Variants in IGF2R observed in about 807,000 individuals in gnomAD.
IGF2R encodes cation-independent mannose-6-phosphate receptor.
Under a neutral mutation model 270.6 loss-of-function variants are expected in IGF2R, and 91 were observed. The ratio of observed to expected loss-of-function variants is 0.34; its 90% CI spans 0.28 to 0.40. IGF2R has a LOEUF of 0.40. Among genes scored for constraint, IGF2R ranks in the 10% least tolerant of loss-of-function variants. IGF2R has a pLI of 1.00. For missense variants in IGF2R, 2,805 were observed against 3,188.3 expected (o/e 0.88, Z 2.90); for synonymous variants, 1,316 against 1,258.9 (o/e 1.05, Z -0.96).
intron 1 of IGF2R, among the ~76,000 whole-genome samples, chr6:159,973,765 T>C (rs1454681001): frequency 6.6e-6 from 1 of 152,214 alleles, no homozygotes; most frequent in African/African-American, 2.4e-5. Flanking sequence ...CCTCACGTCT[T>C]TTGTCAGCAT....
Position 160,084,930 on chromosome 6 carries a change from C to T in IGF2R, c.6069-65C>T, listed in dbSNP as rs1270930787. 5.3e-6 allele frequency: 8 copies of T among 1,520,904 alleles called. No individual in the cohort carries two copies. In the African/African-American group the frequency reaches 5.5e-5, roughly 11 times the overall value. The allele number at this position is 1,520,904 out of a possible 1,614,324, so 94.2% of individuals were successfully genotyped here. On this transcript the variant is annotated intron_variant, in intron 40 of 47. Coordinates refer to ENST00000356956, the MANE Select transcript of IGF2R (RefSeq NM_000876.4). This position sits in a 1 kb window ranked among gnomAD's most constrained non-coding sequence, Gnocchi z 4.6. ...TTCTCTGAAAGTAAAGTGAAGAGCC[C>T]TCCTGTGTCAGGGCAGAGACGTCAC...
intron 22 of IGF2R, among the ~76,000 whole-genome samples, chr6:160,060,173 G>A (rs1017406417): frequency 6.6e-6 from 1 of 152,144 alleles, no homozygotes; most frequent in Non-Finnish European, 1.5e-5. Context: ...ATTGGAGCGA[G>A]TGTGTAAACC....
At chr6:159,981,909 C>T (rs1783810059) in intron 1 of IGF2R, among the ~76,000 whole-genome samples, 1 of 152,228 alleles carries the variant, frequency 6.6e-6, no homozygotes, top group Admixed American at 6.5e-5. Context: ...GCATACCTCT[C>T]AGGGAAAACC....
chr6:160,012,487 C>T (rs951564186), intron 4 of IGF2R, among the ~76,000 whole-genome samples: 9 of 152,018 alleles, frequency 5.9e-5, no homozygotes, highest in East Asian at 3.9e-4. Context: ...AACAGAGTAT[C>T]GAGCACCTCA....
chr6:160,057,005 A>G (rs967986765), intron 20 of IGF2R, among the ~76,000 whole-genome samples: 1 of 151,808 alleles, frequency 6.6e-6, no homozygotes, highest in Non-Finnish European at 1.5e-5. Context: ...TCACCTGTGC[A>G]TAGGCCAGAG....
intron 45 of IGF2R, among the ~76,000 whole-genome samples, chr6:160,099,643 A>G (rs1436985000): frequency 1.3e-5 from 2 of 152,202 alleles, no homozygotes. Flanking sequence ...CTGGGATTAC[A>G]GGCGTGAGCC....
At position 160,004,067 on chromosome 6, in the gene IGF2R, G is replaced by GT. The variant is rs1784173065; in HGVS notation, c.290-4941dup. 6.6e-6 allele frequency: 1 copy of GT among 152,028 alleles called. No homozygotes were observed. The highest frequency in any genetic ancestry group is 1.5e-5 in the Non-Finnish European group (1 of 67,992). 9.4% of individuals were successfully genotyped at this position (152,028 alleles called of 1,614,324 possible). The stretch of plus-strand genomic sequence containing the variant: ...ATCCATATAAATAGAGAAGCTGGAG[G>GT]TTAAAAAATTGGATGAGTATTTTTT... On this transcript the variant is annotated intron_variant, in intron 2 of 47. Transcript: ENST00000356956. This position sits in a 1 kb window ranked among gnomAD's most constrained non-coding sequence, Gnocchi z 5.2.
intron 22 of IGF2R, among the ~76,000 whole-genome samples, chr6:160,059,402 C>T (rs1025300088): frequency 6.6e-5 from 10 of 152,208 alleles, no homozygotes; most frequent in Non-Finnish European, 1.5e-5. Flanking sequence ...TACAGTTGTT[C>T]TGTTTTATTG....
chr6:160,055,628 G>A (rs1778295420), intron 19 of IGF2R, among the ~76,000 whole-genome samples: 1 of 152,202 alleles, frequency 6.6e-6, no homozygotes, highest in Admixed American at 6.5e-5. Flanking sequence ...GGCCAAGGGT[G>A]TGGACTCAGT....
Position 160,104,740 on chromosome 6 carries a change from C to T in IGF2R, c.7132C>T (p.Pro2378Ser). 6.2e-7 allele frequency: 1 copy of T among 1,614,088 alleles called. No homozygotes were observed. Among genetic ancestry groups the T allele is most frequent in the Non-Finnish European group, 8.5e-7 (1 of 1,180,026 alleles). Residue 2378 changes from proline (P) to serine (S), a missense_variant, in exon 48 of 48, where the codon CCT (proline) becomes TCT (serine). Physicochemically the swap from Pro to Ser is moderately conservative, Grantham distance 74 (BLOSUM62 -1). Coordinates refer to ENST00000356956, the MANE Select transcript of IGF2R (RefSeq NM_000876.4). Reference sequence around the variant, plus strand: ...GCTGATGGAAGAGATCCAGCTGCCTCCTCCACGGCAGGGAAAGGAAGGGCA... The same window carrying T: ...GCTGATGGAAGAGATCCAGCTGCCTTCTCCACGGCAGGGAAAGGAAGGGCA... ...EWLMEEIQLP[P>S]PRQGKEGQEN...
At position 160,070,407 on chromosome 6, in the gene IGF2R, G is replaced by A. The variant is rs190497773; in HGVS notation, c.4443+349G>A. On this transcript the variant is annotated intron_variant, in intron 31 of 47. Transcript: ENST00000356956. ...AAGCACGAGAAGGTTGGCTGGGCCCGGGTCACAGGTAGCGCTGCCACTTCC... is the reference window on the plus strand; with the variant it reads ...AAGCACGAGAAGGTTGGCTGGGCCCAGGTCACAGGTAGCGCTGCCACTTCC... 4.3e-3 allele frequency among the ~76,000 whole-genome samples: 657 copies of A among 152,272 alleles called. 7 individuals are homozygous for A. The highest frequency in any genetic ancestry group is 0.015 in the African/African-American group (612 of 41,560).
Position 160,094,897 on chromosome 6 carries a change from CA to C in IGF2R, c.6656-1523del, listed in dbSNP as rs34351457. The C allele has an allele frequency of 4.7e-3, 384 of 80,994 alleles. 4 individuals are homozygous for C. The East Asian group carries it at 0.059, about 12-fold the overall frequency. 5.0% of individuals were successfully genotyped at this position (80,994 alleles called of 1,614,324 possible). On this transcript the variant is annotated intron_variant, in intron 44 of 47. Coordinates refer to ENST00000356956, the MANE Select transcript of IGF2R (RefSeq NM_000876.4). ...TGGGCGACAGAGCGAGACTCCATCT[CA>C]AAAAAAAAAAAAAAAAAAGGCCCTC... is the stretch of plus-strand genomic sequence containing the variant.
chr6:160,065,409 G>A (rs1453694182), intron 29 of IGF2R, among the ~76,000 whole-genome samples: 2 of 152,152 alleles, frequency 1.3e-5, no homozygotes, highest in Non-Finnish European at 2.9e-5. Context: ...TTTCCTGGGG[G>A]AAAGTGCAGG....
intron 45 of IGF2R, among the ~76,000 whole-genome samples, chr6:160,100,723 CCT>C (rs1562379695): frequency 3.0e-4 from 13 of 43,434 alleles, no homozygotes; most frequent in East Asian, 1.1e-3. Flanking sequence ...CAGCAATTTC[CCT>C]TTTTTTTTTT....
Position 160,073,376 on chromosome 6 carries a change from C to G in IGF2R, c.4854C>G (p.Ala1618=). 1.2e-6 allele frequency: 2 copies of G among 1,614,228 alleles called. No homozygotes were observed. Among genetic ancestry groups the G allele is most frequent in the Non-Finnish European group, 1.7e-6 (2 of 1,180,028 alleles). Residue 1618 remains alanine (A), a synonymous_variant, in exon 34 of 48, where the codon GCC becomes GCG. Coordinates refer to ENST00000356956, the MANE Select transcript of IGF2R (RefSeq NM_000876.4). ...SVISFVCRPE[A]RPTNRPMLIS... Reference sequence around the variant, plus strand: ...TCAGTTTCGTGTGCAGGCCTGAGGCCAGGCCAACCAATAGGCCCATGCTCA... The same window carrying G: ...TCAGTTTCGTGTGCAGGCCTGAGGCGAGGCCAACCAATAGGCCCATGCTCA...
intron 1 of IGF2R, among the ~76,000 whole-genome samples, chr6:159,984,940 ATTAAAC>A (rs1231711796): frequency 2.0e-5 from 3 of 152,234 alleles, no homozygotes; most frequent in Non-Finnish European, 4.4e-5. Flanking sequence ...TAATTTATAA[ATTAAAC>A]TTAATCATGG....
intron 4 of IGF2R, among the ~76,000 whole-genome samples, chr6:160,020,195 C>T (rs1170301968): frequency 6.6e-6 from 1 of 151,622 alleles, no homozygotes; most frequent in East Asian, 1.9e-4. Context: ...AGAAGTCAAT[C>T]CCATTTATAA....
At chr6:160,042,089 A>G (rs138764932) in intron 11 of IGF2R, among the ~76,000 whole-genome samples, 292 of 152,262 alleles carry the variant, frequency 1.9e-3, no homozygotes, top group Middle Eastern at 6.8e-3. Context: ...ACTTCCTGAC[A>G]TAGCTCTGGT....
Position 160,085,001 on chromosome 6 carries a change from T to C in IGF2R, c.6075T>C (p.Tyr2025=), listed in dbSNP as rs374198475. The change falls in exon 41 of 48, where the codon TAT becomes TAC. Residue 2025 remains tyrosine, a synonymous_variant. Coordinates refer to ENST00000356956, the MANE Select transcript of IGF2R (RefSeq NM_000876.4). ...WSLVHNGVSY[Y]INLCQKIYKG... ...CCTTTGTGTCGTTTTCTAGGTACTA[T>C]ATAAATCTGTGCCAGAAAATATATA... The C allele has an allele frequency of 8.7e-6, 14 of 1,613,982 alleles. No individual in the cohort carries two copies. In the African/African-American group the frequency reaches 1.1e-4, roughly 12 times the overall value.
Sources: gnomAD v4.1 joint callset for allele counts (sites outside exome capture counted in the v4.1 genomes callset) on GRCh38, gnomAD v4.1.1 for gene constraint, Gnocchi (gnomAD v3.1) non-coding constraint, MANE v1.5 for transcripts, NCBI Gene and HGNC (gene_info 2026-07-23, HGNC 2026-07-21) for gene names.